The following SGCZ variants were observed in gnomAD, a reference collection of about 807,000 sequenced individuals.
SGCZ encodes the protein zeta-sarcoglycan.
Under a neutral mutation model 41.3 loss-of-function variants are expected in SGCZ, and 40 were observed. The ratio of observed to expected loss-of-function variants is 0.97; its 90% confidence interval spans 0.75 to 1.26. The LOEUF is 1.26. Among genes scored for constraint, SGCZ ranks in the 50% most tolerant of loss-of-function variants. The probability of loss-of-function intolerance (pLI) is 0.00; values close to 1 mark genes in which losing one functional copy is unlikely to be tolerated. For synonymous variants in SGCZ, 206 were observed against 137.5 expected (o/e 1.50, Z -3.49); for missense variants, 552 against 369.8 (o/e 1.49, Z -4.04).
intron 1 of SGCZ, among the ~76,000 whole-genome samples, chr8:15,121,026 C>T (rs1807458182): frequency 6.6e-6 from 1 of 152,118 alleles, no homozygotes; most frequent in Non-Finnish European, 1.5e-5. Context: ...ATAAGTGAGC[C>T]AACAGATAAA....
At chr8:14,527,033 C>T (rs910993407) in intron 2 of SGCZ, among the ~76,000 whole-genome samples, 11 of 151,200 alleles carry the variant, frequency 7.3e-5, no homozygotes, top group African/African-American at 2.7e-4. Context: ...TGAGACATCT[C>T]GTCAATGCCT....
intron 1 of SGCZ, among the ~76,000 whole-genome samples, chr8:14,667,079 A>G (rs1008263034): frequency 6.6e-6 from 1 of 152,164 alleles, no homozygotes; most frequent in Non-Finnish European, 1.5e-5. Flanking sequence ...ATGTTATAGT[A>G]TTATCTTCAA....
At chr8:14,633,401 T>C (rs1028674039) in intron 1 of SGCZ, among the ~76,000 whole-genome samples, 13 of 151,984 alleles carry the variant, frequency 8.6e-5, no homozygotes, top group South Asian at 2.1e-4. Context: ...TAGTAATGCA[T>C]AAAATGTTCT....
rs556262850 is a variant in SGCZ at position 14,348,836 on chromosome 8, ACAT to A, written c.235-24635_235-24633del. Among the ~76,000 whole-genome samples, 91 of 152,242 alleles carry A rather than the reference ACAT, an allele frequency of 6.0e-4. 1 individual carries two copies. The highest frequency in any genetic ancestry group is 2.0e-3 in the African/African-American group (83 of 41,548). On this transcript the variant is annotated intron_variant, in intron 2 of 7. Transcript: ENST00000382080. Reference sequence around the variant, plus strand: ...TCTCAACCAAATACATTAAATACAAACATCATTTTCTAAACTTTACAAAACTCT... The same window carrying A: ...TCTCAACCAAATACATTAAATACAAACATTTTCTAAACTTTACAAAACTCT...
At chr8:14,105,396 A>C (rs184901835) in intron 6 of SGCZ, among the ~76,000 whole-genome samples, 1 of 152,226 alleles carries the variant, frequency 6.6e-6, no homozygotes, top group East Asian at 1.9e-4. Context: ...AACCAAAGAA[A>C]ATGTGGCTAC....
chr8:14,862,581 T>TATATATAC (rs775585451), intron 1 of SGCZ, among the ~76,000 whole-genome samples: 11 of 96,932 alleles, frequency 1.1e-4, no homozygotes, highest in Non-Finnish European at 1.5e-4. Flanking sequence ...TATATATATA[T>TATATATAC]ACACACACAA....
intron 1 of SGCZ, among the ~76,000 whole-genome samples, chr8:15,009,338 G>A (rs1259995086): frequency 2.0e-4 from 4 of 20,154 alleles, no homozygotes; most frequent in East Asian, 1.9e-3. Context: ...ACTATCACAA[G>A]AACAGCAATG....
chr8:14,998,424 G>A (rs942906972), intron 1 of SGCZ, among the ~76,000 whole-genome samples: 4 of 152,158 alleles, frequency 2.6e-5, no homozygotes, highest in African/African-American at 7.2e-5. Flanking sequence ...TGTTACATAA[G>A]GAGCGTGACT....
intron 1 of SGCZ, among the ~76,000 whole-genome samples, chr8:15,115,260 G>A (rs569671323): frequency 9.3e-4 from 141 of 152,218 alleles, no homozygotes; most frequent in African/African-American, 3.2e-3. Flanking sequence ...GAAGAGGCAC[G>A]TTTGTTTCTA....
chr8:15,163,642 TTAAC>T (rs1799575669), intron 1 of SGCZ, among the ~76,000 whole-genome samples: 1 of 152,220 alleles, frequency 6.6e-6, no homozygotes, highest in Non-Finnish European at 1.5e-5. Flanking sequence ...ACTGCTAAGT[TTAAC>T]TAATGTCGAC....
intron 1 of SGCZ, among the ~76,000 whole-genome samples, chr8:14,884,989 C>G (rs907522903): frequency 4.6e-5 from 7 of 152,034 alleles, no homozygotes; most frequent in African/African-American, 1.7e-4. Context: ...ACAGCATTCT[C>G]CACCCACTGC....
chr8:14,811,252 G>T (rs1475290610), intron 1 of SGCZ, among the ~76,000 whole-genome samples: 1 of 151,874 alleles, frequency 6.6e-6, no homozygotes, highest in South Asian at 2.1e-4. Context: ...ATAAATAAAT[G>T]CTGTGAACTG....
chr8:14,462,736 G>A (rs1333184607), intron 2 of SGCZ, among the ~76,000 whole-genome samples: 3 of 151,542 alleles, frequency 2.0e-5, no homozygotes, highest in Non-Finnish European at 4.4e-5. Flanking sequence ...TTAGGATTTT[G>A]TTTTCTATTT....
chr8:14,775,960 G>A (rs756959847), intron 1 of SGCZ, among the ~76,000 whole-genome samples: 3 of 152,106 alleles, frequency 2.0e-5, no homozygotes, highest in Non-Finnish European at 4.4e-5. Flanking sequence ...TTGCATCTGG[G>A]CTTTTCCAAG....
At chr8:14,550,922 T>A (rs1803786689) in intron 2 of SGCZ, among the ~76,000 whole-genome samples, 1 of 152,008 alleles carries the variant, frequency 6.6e-6, no homozygotes, top group Non-Finnish European at 1.5e-5. Flanking sequence ...TGATACTCAA[T>A]TATTTTCTTG....
chr8:15,191,391 G>C (rs1563175245), intron 1 of SGCZ, among the ~76,000 whole-genome samples: 1 of 152,016 alleles, frequency 6.6e-6, no homozygotes. Context: ...AAATATATTT[G>C]ACCAAGTTGA....
chr8:14,408,950 A>AGTGTGT (rs36121697), intron 2 of SGCZ, among the ~76,000 whole-genome samples: 2,582 of 126,414 alleles, frequency 0.02, 84 homozygotes, highest in African/African-American at 0.06. Flanking sequence ...TTAAATTAAG[A>AGTGTGT]GAGTGTGTGT....
intron 1 of SGCZ, among the ~76,000 whole-genome samples, chr8:14,700,164 G>A (rs756655429): frequency 7.9e-5 from 12 of 151,740 alleles, no homozygotes; most frequent in South Asian, 2.1e-4. Context: ...TAGAACGCTC[G>A]CTGCAGCAAA....
intron 1 of SGCZ, among the ~76,000 whole-genome samples, chr8:14,913,778 T>C (rs1459824972): frequency 6.6e-6 from 1 of 151,154 alleles, no homozygotes; most frequent in African/African-American, 2.4e-5. Flanking sequence ...CACAAATCAA[T>C]GTAGGAAAAT....
Sources: allele counts gnomAD v4.1 joint callset (sites outside exome capture counted in the v4.1 genomes callset), GRCh38; gene constraint gnomAD v4.1.1; transcripts MANE v1.5; gene names NCBI Gene and HGNC (gene_info 2026-07-23, HGNC 2026-07-21).